Variants in ARAP1 observed in about 807,000 individuals in gnomAD.
ARAP1 encodes the protein ArfGAP with RhoGAP domain, ankyrin repeat and PH domain 1.
ARAP1 carries 76 observed loss-of-function variants against 172.2 expected under a neutral mutation model. That is an observed-to-expected ratio of 0.44 (90% CI 0.37 to 0.53). The LOEUF (loss-of-function observed/expected upper bound fraction) is 0.53, where lower values mean the gene tolerates loss of function less well. Among genes scored for constraint, ARAP1 ranks in the 20% least tolerant of loss-of-function variants. The pLI, the probability that ARAP1 is intolerant of heterozygous loss-of-function variation, is 0.00. For missense variants in ARAP1, 1,686 were observed against 1,977.5 expected (o/e 0.85, Z 2.80); for synonymous variants, 804 against 803.3 (o/e 1.00, Z -0.01).
At chr11:72,737,064 C>T (rs773749622) in intron 1 of ARAP1, among the ~76,000 whole-genome samples, 14 of 152,228 alleles carry the variant, frequency 9.2e-5, no homozygotes, top group African/African-American at 2.9e-4. Context: ...TGACTGCCCC[C>T]TCAAGCTCCT....
intron 3 of ARAP1, 56 bp from the exon 4 acceptor site, chr11:72,714,377 T>A: frequency 4.0e-6 from 6 of 1,505,248 alleles, no homozygotes; most frequent in Non-Finnish European, 5.3e-6. Context: ...GACTGAAACA[T>A]ACTGAGCCCC....
chr11:72,745,227 C>T (rs544401440), intron 1 of ARAP1, among the ~76,000 whole-genome samples: 145 of 127,594 alleles, frequency 1.1e-3, no homozygotes, highest in Middle Eastern at 5.3e-3. Flanking sequence ...CTCGCTCTGT[C>T]GCCCAGGCTG....
At position 72,710,127 on chromosome 11, in the gene ARAP1, T is replaced by C; in HGVS notation, c.1417-151A>G. 1 of 802,434 alleles carries C rather than the reference T, an allele frequency of 1.2e-6. No homozygotes were observed. The allele number at this position is 802,434 out of a possible 1,614,324, so 49.7% of individuals were successfully genotyped here. A position where few individuals can be genotyped will look rare whatever the true frequency, so the allele number is the denominator to read the frequency against. On this transcript the variant is annotated intron_variant, in intron 10 of 34. Coordinates refer to ENST00000393609, the MANE Select transcript of ARAP1 (RefSeq NM_001040118.3). This position sits in a 1 kb window ranked among gnomAD's most constrained non-coding sequence, Gnocchi z 4.3. ...AGGGGACATGGGAGGCTGGGCAGGG[T>C]AAGGGGCTGCAGGTTCAGGGCCCAC...
chr11:72,710,262 G>A lies in ARAP1; in HGVS notation c.1416+123C>T. 1 of 1,247,618 alleles carries A rather than the reference G, an allele frequency of 8.0e-7. No homozygotes were observed. Among genetic ancestry groups the A allele is most frequent in the Non-Finnish European group, 1.1e-6 (1 of 872,122 alleles). The allele number at this position is 1,247,618 out of a possible 1,614,324, so 77.3% of individuals were successfully genotyped here. ...ACTTGGGGGAGCGAGGACATATCCAGGCAAAGGGCTGGGCCCAGTGCAGGA... is the reference window on the plus strand; with the variant it reads ...ACTTGGGGGAGCGAGGACATATCCAAGCAAAGGGCTGGGCCCAGTGCAGGA... On this transcript the variant is annotated intron_variant, in intron 10 of 34. Coordinates refer to ENST00000393609, the MANE Select transcript of ARAP1 (RefSeq NM_001040118.3). The surrounding 1 kb of genome is among the most constrained non-coding windows in gnomAD (Gnocchi z 4.3).
chr11:72,693,688 C>A lies in ARAP1; in HGVS notation c.3808+4G>T. On this transcript the variant is annotated splice_donor_region_variant and intron_variant, in intron 28 of 34. Transcript: ENST00000393609. The surrounding 1 kb of genome is among the most constrained non-coding windows in gnomAD (Gnocchi z 4.6). ...AGCCTGGCCACCCTGCAGGCACCAC[C>A]TACCCAGGTACAGCAGCATGGCCTC... 6.2e-7 allele frequency: 1 copy of A among 1,601,478 alleles called. No individual in the cohort carries two copies.
intron 1 of ARAP1, among the ~76,000 whole-genome samples, chr11:72,748,631 G>C (rs775000254): frequency 2.0e-5 from 3 of 152,206 alleles, no homozygotes; most frequent in African/African-American, 4.8e-5. Context: ...CTATGGGACA[G>C]GCTCTTCCCC....
intron 18 of ARAP1, 73 bp downstream of exon 18, chr11:72,698,932 C>A: frequency 6.8e-7 from 1 of 1,466,910 alleles, no homozygotes; most frequent in South Asian, 1.1e-5. Flanking sequence ...AGCTGGGATA[C>A]ATGGGATTGG....
At chr11:72,747,203 C>T (rs1341139007) in intron 1 of ARAP1, among the ~76,000 whole-genome samples, 1 of 152,196 alleles carries the variant, frequency 6.6e-6, no homozygotes, top group Non-Finnish European at 1.5e-5. Flanking sequence ...TCCTGATCTT[C>T]TCCCACCCTC....
intron 22 of ARAP1, 125 bp downstream of exon 22, chr11:72,696,858 C>A (rs1164154438): frequency 1.2e-5 from 13 of 1,106,830 alleles, no homozygotes; most frequent in African/African-American, 1.6e-5. Flanking sequence ...GAATGAGAAG[C>A]AGAGGCAGGC....
In ARAP1 at chr11:72,711,415, T is replaced by A. The variant is rs747192327; in HGVS notation, c.1092+15A>T. 1.8e-5 allele frequency: 29 copies of A among 1,610,890 alleles called. No individual in the cohort carries two copies. The South Asian group carries it at 3.2e-4, about 18-fold the overall frequency. On this transcript the variant is annotated intron_variant, in intron 8 of 34. Coordinates refer to ENST00000393609, the MANE Select transcript of ARAP1 (RefSeq NM_001040118.3). ...GCTGGAGCAGGGGTCGCGTCAGGAC[T>A]GATGCAGGCCTCACCTTGTTACTGT...
At position 72,741,501 on chromosome 11, in the gene ARAP1, C is replaced by T. The variant is rs1245790141; in HGVS notation, c.-127-8904G>A. ...CCTGGCCCTCAGGCACAGACACACT[C>T]TACAGGGGCTGGGGACTTCCTGTGG... On this transcript the variant is annotated intron_variant, in intron 1 of 34. Coordinates refer to ENST00000393609, the MANE Select transcript of ARAP1 (RefSeq NM_001040118.3). The surrounding 1 kb of genome is among the most constrained non-coding windows in gnomAD (Gnocchi z 4.5). 6.6e-6 allele frequency among the ~76,000 whole-genome samples: 1 copy of T among 152,152 alleles called. No individual in the cohort carries two copies. The highest frequency in any genetic ancestry group is 1.5e-5 in the Non-Finnish European group (1 of 67,996).
intron 2 of ARAP1, among the ~76,000 whole-genome samples, chr11:72,732,074 G>C (rs1363328125): frequency 6.6e-6 from 1 of 152,096 alleles, no homozygotes; most frequent in East Asian, 1.9e-4. Flanking sequence ...GTTTGGGGAG[G>C]GGAATTGACA....
At chr11:72,721,706 A>G in intron 3 of ARAP1, 1 of 767,110 alleles carries the variant, frequency 1.3e-6, no homozygotes, top group Middle Eastern at 6.4e-4. Flanking sequence ...GAAATAAGAC[A>G]AAACTCTAAG....
rs1856345752 is a variant in ARAP1 at position 72,699,018 on chromosome 11, T to G, written c.2528A>C (p.Lys843Thr). The change falls in exon 18 of 35, where the codon AAG becomes ACG. Residue 843 changes from lysine (K) to threonine (T), a missense_variant. By Grantham distance (78) the Lys-to-Thr change is moderately conservative (BLOSUM62 -1). This residue lies in a region of ARAP1 where 688 missense variants were observed against 856.9 expected (regional missense o/e 0.80). Coordinates refer to ENST00000393609, the MANE Select transcript of ARAP1 (RefSeq NM_001040118.3). This position sits in a 1 kb window ranked among gnomAD's most constrained non-coding sequence, Gnocchi z 4.2. ...CCCCAGGCTCACCTTAGCAATACAC[T>G]TGACCCACTCATGAGCCTGCTCCGC... ...ESAEQAHEWVKCIAKAFVPPL... is the reference protein window; with the variant it reads ...ESAEQAHEWVTCIAKAFVPPL... The G allele has an allele frequency of 6.2e-7, 1 of 1,614,048 alleles. No individual in the cohort carries two copies. The highest frequency in any genetic ancestry group is 8.5e-7 in the Non-Finnish European group (1 of 1,179,996).
At chr11:72,718,612 CCT>C (rs1857383507) in intron 3 of ARAP1, among the ~76,000 whole-genome samples, 1 of 152,126 alleles carries the variant, frequency 6.6e-6, no homozygotes, top group Non-Finnish European at 1.5e-5. Context: ...CTCCCTCTCC[CCT>C]CTACCCAAGG....
intron 5 of ARAP1, chr11:72,712,856 G>A (rs901905419): frequency 1.2e-5 from 7 of 599,828 alleles, no homozygotes; most frequent in East Asian, 2.8e-5. Flanking sequence ...AGACAGACAC[G>A]GGAACACAAG....
At position 72,692,734 on chromosome 11, in the gene ARAP1, T is replaced by C; in HGVS notation, c.3987+19A>G. The C allele has an allele frequency of 6.2e-7, 1 of 1,613,724 alleles. No individual in the cohort carries two copies. The highest frequency in any genetic ancestry group is 1.1e-5 in the South Asian group (1 of 91,078). On this transcript the variant is annotated intron_variant, in intron 30 of 34. Transcript: ENST00000393609. The stretch of plus-strand genomic sequence containing the variant: ...CCAGGTGGTGTAAGGCAGCTGGCAG[T>C]CAGCCCACAGCTACTCACGGTCTCA...
intron 16 of ARAP1, chr11:72,700,455 A>G (rs1356702316): frequency 2.6e-5 from 4 of 152,272 alleles, no homozygotes; most frequent in Non-Finnish European, 2.9e-5. Flanking sequence ...TGAGGGCCTG[A>G]CATGTGCTCT....
chr11:72,702,847 A>G, intron 15 of ARAP1, 58 bp downstream of exon 15: 1 of 1,531,800 alleles, frequency 6.5e-7, no homozygotes, highest in Non-Finnish European at 8.8e-7. Context: ...CAGCAGGTAA[A>G]TCAAACCCCA....
Sources: gnomAD v4.1 joint callset for allele counts (sites outside exome capture counted in the v4.1 genomes callset) on GRCh38, gnomAD v4.1.1 for gene constraint, gnomAD v4.1.1 regional missense constraint, Gnocchi (gnomAD v3.1) non-coding constraint, MANE v1.5 for transcripts, NCBI Gene and HGNC (gene_info 2026-07-23, HGNC 2026-07-21) for gene names.